NUMB: variants seen among roughly 807,000 people sequenced by gnomAD.
The protein encoded by NUMB is NUMB endocytic adaptor protein.
A neutral mutation model predicts 59.7 loss-of-function variants in NUMB; 29 were observed. The observed-to-expected ratio is 0.49, with a 90% CI of 0.36 to 0.66. The LOEUF (loss-of-function observed/expected upper bound fraction) is 0.66, where lower values mean the gene tolerates loss of function less well. Ranked by LOEUF, NUMB falls within the 30% of genes least tolerant of loss-of-function variation. NUMB has a pLI of 0.00. For missense variants in NUMB, 723 were observed against 822.0 expected (o/e 0.88, Z 1.47); for synonymous variants, 288 against 288.2 (o/e 1.00, Z 0.01).
Position 73,276,577 on chromosome 14 carries a change from C to T in NUMB, c.*1G>A, listed in dbSNP as rs1466983758. 6.2e-7 allele frequency: 1 copy of T among 1,609,954 alleles called. No individual in the cohort carries two copies. Among genetic ancestry groups the T allele is most frequent in the Non-Finnish European group, 8.5e-7 (1 of 1,177,286 alleles). On this transcript the variant is annotated 3_prime_UTR_variant, in exon 13 of 13. Coordinates refer to ENST00000555238, the MANE Select transcript of NUMB (RefSeq NM_001005743.2). ...ACAAGATACATAGCCATAATGATTG[C>T]TTAAAGTTCAATTTCAAACGTCTTC...
chr14:73,444,639 C>T (rs1230150935), intron 1 of NUMB, among the ~76,000 whole-genome samples: 1 of 151,892 alleles, frequency 6.6e-6, no homozygotes, highest in Non-Finnish European at 1.5e-5. Flanking sequence ...TTCTCTAGAT[C>T]ACAAGGTCAA....
At chr14:73,287,488 G>C (rs566961361) in intron 8 of NUMB, among the ~76,000 whole-genome samples, 174 bp from the exon 9 acceptor site, 1 of 151,756 alleles carries the variant, frequency 6.6e-6, no homozygotes, top group African/African-American at 2.4e-5. Context: ...AATACTTCTC[G>C]TGCCTCAGCC....
chr14:73,406,607 C>T (rs1324222048), intron 2 of NUMB, among the ~76,000 whole-genome samples: 1 of 152,068 alleles, frequency 6.6e-6, no homozygotes, highest in African/African-American at 2.4e-5. Flanking sequence ...TGGGTATATA[C>T]CCAGTAATGC....
intron 1 of NUMB, among the ~76,000 whole-genome samples, chr14:73,444,398 C>CAAAAAAAA (rs568526693): frequency 1.4e-5 from 1 of 70,968 alleles, no homozygotes; most frequent in Non-Finnish European, 3.0e-5. Context: ...GACTCCATCT[C>CAAAAAAAA]AAAAAAAAAA....
chr14:73,406,461 C>A (rs374868192), intron 2 of NUMB, among the ~76,000 whole-genome samples: 8,762 of 151,806 alleles, frequency 0.058, 703 homozygotes, highest in African/African-American at 0.19. Flanking sequence ...TCCATGGTGT[C>A]TATGTGCCAC....
At chr14:73,346,868 A>G (rs1184059482) in intron 4 of NUMB, among the ~76,000 whole-genome samples, 1 of 152,250 alleles carries the variant, frequency 6.6e-6, no homozygotes, top group Non-Finnish European at 1.5e-5. Context: ...TTAAAATAGA[A>G]GCAGCATTCT....
chr14:73,404,731 T>C (rs1170712346), intron 2 of NUMB, among the ~76,000 whole-genome samples: 3 of 152,190 alleles, frequency 2.0e-5, no homozygotes, highest in Admixed American at 6.5e-5. Context: ...TTCATTTTCA[T>C]ATTTTTATAC....
intron 2 of NUMB, among the ~76,000 whole-genome samples, chr14:73,367,925 ACT>A (rs904123178): frequency 5.3e-5 from 8 of 151,936 alleles, no homozygotes; most frequent in Admixed American, 5.3e-4. Flanking sequence ...TCTTCAAAAC[ACT>A]CTAGAGAATC....
At chr14:73,321,794 A>AGAGTATGTATAGGTATCT (rs1380685529) in intron 5 of NUMB, among the ~76,000 whole-genome samples, 3 of 152,330 alleles carry the variant, frequency 2.0e-5, no homozygotes, top group East Asian at 1.9e-4. Context: ...TCTGAGATAA[A>AGAGTATGTATAGGTATCT]GAGTATGTAT....
At chr14:73,357,327 T>TG (rs1177486471) in intron 3 of NUMB, among the ~76,000 whole-genome samples, 2 of 128,886 alleles carry the variant, frequency 1.6e-5, no homozygotes, top group Admixed American at 1.6e-4. Flanking sequence ...CACTTGAACC[T>TG]GGGGGGCAGA....
chr14:73,442,229 G>T lies in NUMB; in HGVS notation c.-233+16264C>A, dbSNP rs1335851355. Among the ~76,000 whole-genome samples the T allele has an allele frequency of 2.6e-5, 4 of 151,398 alleles. No homozygotes were observed. The East Asian group carries it at 5.8e-4, about 22-fold the overall frequency. The stretch of plus-strand genomic sequence containing the variant: ...AAAAAGAAAGAAAAAAAAAAAACGG[G>T]CAGGAGTGGTGGTGCATGCCTATGG... On this transcript the variant is annotated intron_variant, in intron 1 of 12. Coordinates refer to ENST00000555238, the MANE Select transcript of NUMB (RefSeq NM_001005743.2).
chr14:73,332,368 C>T (rs997801600), intron 4 of NUMB, among the ~76,000 whole-genome samples: 4 of 152,120 alleles, frequency 2.6e-5, no homozygotes, highest in Admixed American at 6.5e-5. Flanking sequence ...ATTCCTGTGC[C>T]TCAGCCTCCC....
chr14:73,445,434 A>T (rs1298137828), intron 1 of NUMB, among the ~76,000 whole-genome samples: 1 of 145,386 alleles, frequency 6.9e-6, no homozygotes, highest in Non-Finnish European at 1.5e-5. Flanking sequence ...ATAAAGATTC[A>T]CGTTTTTCCA....
intron 4 of NUMB, among the ~76,000 whole-genome samples, chr14:73,328,937 CAG>C (rs1891806693): frequency 6.6e-6 from 1 of 152,168 alleles, no homozygotes; most frequent in Non-Finnish European, 1.5e-5. Flanking sequence ...GGCGTGATCT[CAG>C]CTCACTACAA....
At chr14:73,388,967 C>G (rs1349224146) in intron 2 of NUMB, among the ~76,000 whole-genome samples, 2 of 151,974 alleles carry the variant, frequency 1.3e-5, no homozygotes, top group Non-Finnish European at 2.9e-5. Context: ...GGCGTGGTGG[C>G]GGGCGCCTGC....
intron 2 of NUMB, among the ~76,000 whole-genome samples, chr14:73,389,426 G>A (rs1343182999): frequency 6.6e-6 from 1 of 151,776 alleles, no homozygotes; most frequent in Non-Finnish European, 1.5e-5. Flanking sequence ...AGGTTCAAGC[G>A]ATTCTCCTGC....
chr14:73,360,362 C>G (rs951975038), intron 3 of NUMB, among the ~76,000 whole-genome samples: 1 of 152,164 alleles, frequency 6.6e-6, no homozygotes, highest in Non-Finnish European at 1.5e-5. Context: ...TCGAGACCTG[C>G]CTGGCCAACA....
chr14:73,456,179 G>A (rs1441391713), intron 1 of NUMB, among the ~76,000 whole-genome samples: 2 of 151,256 alleles, frequency 1.3e-5, no homozygotes, highest in Admixed American at 6.6e-5. Flanking sequence ...GCATGATCTC[G>A]GCTCACTGCA....
chr14:73,354,063 C>T (rs1185596008), intron 4 of NUMB, among the ~76,000 whole-genome samples: 1 of 152,044 alleles, frequency 6.6e-6, no homozygotes, highest in Non-Finnish European at 1.5e-5. Context: ...ATTTAAAAAG[C>T]CATGTATTTC....
Sources: allele counts gnomAD v4.1 joint callset (sites outside exome capture counted in the v4.1 genomes callset), GRCh38; gene constraint gnomAD v4.1.1; transcripts MANE v1.5; gene names NCBI Gene and HGNC (gene_info 2026-07-23, HGNC 2026-07-21).